Variants in FNDC5 observed in about 807,000 individuals in gnomAD.
FNDC5 encodes the protein fibronectin type III domain containing 5, also known as fibronectin type III domain-containing protein 5.
In FNDC5, 10 loss-of-function variants were observed where a neutral mutation model predicts 24.6. That is an observed-to-expected ratio of 0.41 (90% CI 0.25 to 0.69). The LOEUF (loss-of-function observed/expected upper bound fraction) is 0.69, where lower values mean the gene tolerates loss of function less well. Among genes scored for constraint, FNDC5 ranks in the 30% least tolerant of loss-of-function variants. FNDC5 has a pLI of 0.34. For missense variants in FNDC5, 226 were observed against 282.9 expected, an observed-to-expected ratio of 0.80 and a Z score of 1.44; for synonymous variants, 90 against 110.7, an observed-to-expected ratio of 0.81 and a Z score of 1.18.
chr1:32,868,935 T>C lies in FNDC5; in HGVS notation c.157A>G (p.Ser53Gly). ...ACCTCATCCTCCAGAACATCCCAGC[T>C]CACCACTGCAGAGTTGGCCTTGAGG... Residue 53 changes from serine (S) to glycine (G), a missense_variant, in exon 2 of 6, where the codon AGC becomes GGC. Coordinates refer to ENST00000373471, the MANE Select transcript of FNDC5 (RefSeq NM_153756.3). This position sits in a 1 kb window ranked among gnomAD's most constrained non-coding sequence, Gnocchi z 4.8. 1 of 1,237,528 alleles carries C rather than the reference T, an allele frequency of 8.1e-7. No individual in the cohort carries two copies. 76.7% of individuals were successfully genotyped at this position (1,237,528 alleles called of 1,614,324 possible). A position where few individuals can be genotyped will look rare whatever the true frequency, so the allele number is the denominator to read the frequency against.
At chr1:32,870,031 C>T (rs974847314) in intron 1 of FNDC5, among the ~76,000 whole-genome samples, 3 of 151,994 alleles carry the variant, frequency 2.0e-5, no homozygotes. Context: ...AAGACAGCTG[C>T]GAGAGAGCGC....
chr1:32,868,212 C>G lies in FNDC5; in HGVS notation c.387G>C (p.Glu129Asp), dbSNP rs757797906. ...TGCCTTTGTTCTTGGAGGCCATCTT[C>G]TCAGCCTCACGCGGGGTCTTGAAGA... Residue 129 changes from glutamate (E) to aspartate (D), a missense_variant, in exon 3 of 6, where the codon GAG (glutamate) becomes GAC (aspartate). By Grantham distance (45) the Glu-to-Asp change is conservative. Coordinates refer to ENST00000373471, the MANE Select transcript of FNDC5 (RefSeq NM_153756.3). The surrounding 1 kb of genome is among the most constrained non-coding windows in gnomAD (Gnocchi z 4.8). 6.2e-7 allele frequency: 1 copy of G among 1,614,188 alleles called. No homozygotes were observed. Among genetic ancestry groups the G allele is most frequent in the Non-Finnish European group, 8.5e-7 (1 of 1,180,038 alleles).
intron 1 of FNDC5, among the ~76,000 whole-genome samples, chr1:32,870,437 G>A (rs758797258): frequency 6.6e-6 from 1 of 152,088 alleles, no homozygotes; most frequent in African/African-American, 2.4e-5. Context: ...AAGACCCTAG[G>A]AAACCCAGGG....
upstream of FNDC5, chr1:32,872,458 C>T (rs1641197284): frequency 6.6e-6 from 1 of 152,660 alleles, no homozygotes; most frequent in Non-Finnish European, 1.5e-5. Flanking sequence ...GGAGCCAGAG[C>T]ACCTCTCTCT....
Position 32,868,545 on chromosome 1 carries a change from G to T in FNDC5, c.211-157C>A, listed in dbSNP as rs1218859841. ...TTTTACAGGGAAGGAAACAGGTTCA[G>T]AGAGGTTGGGGAAGTTGCCCAAGGC... is the stretch of plus-strand genomic sequence containing the variant. On this transcript the variant is annotated intron_variant, in intron 2 of 5. Coordinates refer to ENST00000373471, the MANE Select transcript of FNDC5 (RefSeq NM_153756.3). This position sits in a 1 kb window ranked among gnomAD's most constrained non-coding sequence, Gnocchi z 4.8. Among the ~76,000 whole-genome samples, 2 of 152,112 alleles carry T rather than the reference G, an allele frequency of 1.3e-5. No individual in the cohort carries two copies. Among genetic ancestry groups the T allele is most frequent in the Non-Finnish European group, 2.9e-5 (2 of 68,026 alleles).
intron 1 of FNDC5, among the ~76,000 whole-genome samples, chr1:32,870,131 C>T (rs1157887837): frequency 2.0e-5 from 3 of 152,026 alleles, no homozygotes; most frequent in African/African-American, 7.2e-5. Flanking sequence ...CAAGGACGGG[C>T]CGGCCCCATG....
At position 32,863,466 on chromosome 1, in the gene FNDC5, G is replaced by A. The variant is rs1391242581; in HGVS notation, c.*828C>T. On this transcript the variant is annotated 3_prime_UTR_variant, in exon 6 of 6. Transcript: ENST00000373471. The stretch of plus-strand genomic sequence containing the variant: ...TTTTCTCAAAGAGGAAGCCAGTCCA[G>A]GAGAGGCGAGGAGGCAGAAGGCTGT... 9.3e-6 allele frequency: 3 copies of A among 321,162 alleles called. No individual in the cohort carries two copies. The highest frequency in any genetic ancestry group is 2.2e-5 in the African/African-American group (1 of 46,408). 19.9% of individuals were successfully genotyped at this position (321,162 alleles called of 1,614,324 possible).
chr1:32,866,521 A>G (rs1246372704), intron 4 of FNDC5, among the ~76,000 whole-genome samples: 2 of 152,112 alleles, frequency 1.3e-5, no homozygotes, highest in South Asian at 2.1e-4. Context: ...TGCCCTGAAC[A>G]CTATTCCTCT....
Position 32,864,222 on chromosome 1 carries a change from G to T in FNDC5, c.*72C>A. ...GATGTTTGTTGGATAATCATCATCAGAACCATGAGATCCTCTCACATTCTC... is the reference window on the plus strand; with the variant it reads ...GATGTTTGTTGGATAATCATCATCATAACCATGAGATCCTCTCACATTCTC... On this transcript the variant is annotated 3_prime_UTR_variant, in exon 6 of 6. Coordinates refer to ENST00000373471, the MANE Select transcript of FNDC5 (RefSeq NM_153756.3). 1 of 1,613,944 alleles carries T rather than the reference G, an allele frequency of 6.2e-7. No individual in the cohort carries two copies. Among genetic ancestry groups the T allele is most frequent in the South Asian group, 1.1e-5 (1 of 91,040 alleles).
chr1:32,870,584 G>A, intron 1 of FNDC5, 69 bp downstream of exon 1: 1 of 987,642 alleles, frequency 1.0e-6, no homozygotes, highest in Non-Finnish European at 1.3e-6. Flanking sequence ...AAGGACCAGG[G>A]GACTCCCAGG....
rs1372920878 is a variant in FNDC5 at position 32,870,878 on chromosome 1, G to A, written c.-132C>T. On this transcript the variant is annotated 5_prime_UTR_variant, in exon 1 of 6. Transcript: ENST00000373471. ...CGCTCCGGCCGCCCTGCGCCGCCCC[G>A]AGCCGCCTGCATGTCGGCTCCGCGG... 1.3e-5 allele frequency: 2 copies of A among 153,424 alleles called. No homozygotes were observed. 9.5% of individuals were successfully genotyped at this position (153,424 alleles called of 1,614,324 possible). A position where few individuals can be genotyped will look rare whatever the true frequency, so the allele number is the denominator to read the frequency against.
intron 4 of FNDC5, among the ~76,000 whole-genome samples, chr1:32,865,609 C>G (rs1010042283): frequency 2.6e-5 from 4 of 151,990 alleles, no homozygotes; most frequent in Admixed American, 1.3e-4. Flanking sequence ...GAGATCAGGC[C>G]ACTGCACTCC....
chr1:32,867,676 A>T lies in FNDC5; in HGVS notation c.499+77T>A, dbSNP rs1036204775. 16 of 1,417,818 alleles carry T rather than the reference A, an allele frequency of 1.1e-5. No homozygotes were observed. The Middle Eastern group carries it at 5.4e-4, about 48-fold the overall frequency. The allele number at this position is 1,417,818 out of a possible 1,614,324, so 87.8% of individuals were successfully genotyped here. ...GTCCAAACCCCTTACCCTTTTTTTC[A>T]TGAGAGAAGGGGCTGGTCAGAGTCC... On this transcript the variant is annotated intron_variant, in intron 4 of 5. Transcript: ENST00000373471.
chr1:32,864,127 A>C lies in FNDC5; in HGVS notation c.*167T>G. The stretch of plus-strand genomic sequence containing the variant: ...GGGAGTTAATAAGAGGCTTCAGGAA[A>C]GTGCGCCAGAGAGAGGACAGTAAGC... On this transcript the variant is annotated 3_prime_UTR_variant, in exon 6 of 6. Coordinates refer to ENST00000373471, the MANE Select transcript of FNDC5 (RefSeq NM_153756.3). 2 of 1,530,560 alleles carry C rather than the reference A, an allele frequency of 1.3e-6. No individual in the cohort carries two copies. Among genetic ancestry groups the C allele is most frequent in the Non-Finnish European group, 8.8e-7 (1 of 1,140,186 alleles). The allele number at this position is 1,530,560 out of a possible 1,614,324, so 94.8% of individuals were successfully genotyped here. A position where few individuals can be genotyped will look rare whatever the true frequency, so the allele number is the denominator to read the frequency against.
chr1:32,872,250 C>T (rs1188460035), upstream of FNDC5: 1 of 152,380 alleles, frequency 6.6e-6, no homozygotes, highest in Non-Finnish European at 1.5e-5. Context: ...CCTCCTTGGT[C>T]ACCTTGGAAG....
chr1:32,867,021 T>C (rs1441251664), intron 4 of FNDC5, among the ~76,000 whole-genome samples: 1 of 151,942 alleles, frequency 6.6e-6, no homozygotes, highest in East Asian at 1.9e-4. Context: ...GCCCAGGAGG[T>C]CAAGGCTGCA....
At chr1:32,869,880 AGAGTGAACTT>A (rs372621891) in intron 1 of FNDC5, among the ~76,000 whole-genome samples, 1 of 152,148 alleles carries the variant, frequency 6.6e-6, no homozygotes, top group East Asian at 1.9e-4. Context: ...CACCCCACAG[AGAGTGAACTT>A]GAGACCCAGG....
Position 32,868,128 on chromosome 1 carries a change from C to A in FNDC5, c.409+62G>T. 1 of 1,575,898 alleles carries A rather than the reference C, an allele frequency of 6.3e-7. No homozygotes were observed. Among genetic ancestry groups the A allele is most frequent in the Non-Finnish European group, 8.7e-7 (1 of 1,154,524 alleles). ...GACAGAGCTTTCCTCAAGCCACCCACTGGTCTGGTCCTGACCACCCCTCAC... is the reference window on the plus strand; with the variant it reads ...GACAGAGCTTTCCTCAAGCCACCCAATGGTCTGGTCCTGACCACCCCTCAC... On this transcript the variant is annotated intron_variant, in intron 3 of 5. Coordinates refer to ENST00000373471, the MANE Select transcript of FNDC5 (RefSeq NM_153756.3). The surrounding 1 kb of genome is among the most constrained non-coding windows in gnomAD (Gnocchi z 4.8).
intron 5 of FNDC5, 40 bp from the exon 6 acceptor site, chr1:32,864,339 C>T (rs772384825): frequency 6.2e-7 from 1 of 1,611,936 alleles, no homozygotes; most frequent in Non-Finnish European, 8.5e-7. Context: ...AGCGGTAAAG[C>T]ACCTGCCCAA....
Sources: allele counts gnomAD v4.1 joint callset (sites outside exome capture counted in the v4.1 genomes callset), GRCh38; gene constraint gnomAD v4.1.1; non-coding constraint Gnocchi (gnomAD v3.1); transcripts MANE v1.5; gene names NCBI Gene and HGNC (gene_info 2026-07-23, HGNC 2026-07-21).